POU2F1: variants seen among roughly 807,000 people sequenced by gnomAD.
The protein encoded by POU2F1 is POU domain, class 2, transcription factor 1.
A neutral mutation model predicts 84.9 loss-of-function variants in POU2F1; 16 were observed. The observed-to-expected ratio is 0.19, with a 90% confidence interval of 0.13 to 0.29. The LOEUF is 0.29. Ranked by LOEUF, POU2F1 falls within the 10% of genes least tolerant of loss-of-function variation. The pLI is 1.00. For missense variants in POU2F1, 738 were observed against 942.6 expected (o/e 0.78, Z 2.84); for synonymous variants, 368 against 368.3 (o/e 1.00, Z 0.01).
At chr1:167,314,025 C>T (rs1439826001) in intron 1 of POU2F1, among the ~76,000 whole-genome samples, 1 of 151,998 alleles carries the variant, frequency 6.6e-6, no homozygotes, top group Non-Finnish European at 1.5e-5. Flanking sequence ...GGTGAAACCT[C>T]GTCTCTACTG....
intron 1 of POU2F1, among the ~76,000 whole-genome samples, chr1:167,235,373 T>C (rs1017973265): frequency 6.6e-6 from 1 of 152,218 alleles, no homozygotes; most frequent in Admixed American, 6.5e-5. Context: ...AATGCTCTTA[T>C]GTTATGAGAG....
At chr1:167,302,427 A>C (rs1006263963) in intron 1 of POU2F1, among the ~76,000 whole-genome samples, 10 of 152,016 alleles carry the variant, frequency 6.6e-5, no homozygotes, top group Middle Eastern at 3.4e-3. Flanking sequence ...TGCCTGGCTA[A>C]TTTTTGTATC....
intron 7 of POU2F1, chr1:167,380,238 G>C (rs967546749): frequency 1.1e-4 from 16 of 152,170 alleles, no homozygotes; most frequent in Non-Finnish European, 1.9e-4. Flanking sequence ...CCTCAACTGT[G>C]ATATTAGGAT....
chr1:167,394,246 C>T (rs1347244727), intron 9 of POU2F1, among the ~76,000 whole-genome samples: 1 of 152,056 alleles, frequency 6.6e-6, no homozygotes, highest in African/African-American at 2.4e-5. Context: ...GTCTCGAACT[C>T]CTGACCTCAA....
intron 1 of POU2F1, among the ~76,000 whole-genome samples, chr1:167,291,175 T>C (rs558286161): frequency 1.3e-5 from 2 of 152,346 alleles, no homozygotes; most frequent in Admixed American, 1.3e-4. Flanking sequence ...TCAGCTTTGC[T>C]ATTCATTCAG....
rs1390389163 is a variant in POU2F1, at chr1:167,389,781, C to CATT, written c.987+21_987+23dup. 1 of 1,606,894 alleles carries CATT rather than the reference C, an allele frequency of 6.2e-7. No individual in the cohort carries two copies. The highest frequency in any genetic ancestry group is 8.5e-7 in the Non-Finnish European group (1 of 1,176,028). On this transcript the variant is annotated intron_variant, in intron 9 of 15. Transcript: ENST00000367866. ...ACTCAGGTAGGGTGAATTGGCCTTA[C>CATT]ATTGATTCCCCTCCTTGGCTGGGTC... is the stretch of plus-strand genomic sequence containing the variant.
intron 1 of POU2F1, among the ~76,000 whole-genome samples, chr1:167,316,867 A>C (rs1350180326): frequency 2.0e-5 from 3 of 152,166 alleles, no homozygotes; most frequent in Admixed American, 2.0e-4. Context: ...CTCACATTTT[A>C]TTTGTTGAAA....
Position 167,423,032 on chromosome 1 carries a change from G to A in POU2F1, c.*7222G>A, listed in dbSNP as rs1366230290. On this transcript the variant is annotated 3_prime_UTR_variant, in exon 16 of 16. Coordinates refer to ENST00000367866, the MANE Select transcript of POU2F1 (RefSeq NM_002697.4). ...GAAATTTGGGGAGGGCAAAAGATAG[G>A]GGTAGAATTTTTTCATTATTTCCCT... 6.6e-6 allele frequency: 1 copy of A among 152,152 alleles called. No individual in the cohort carries two copies. Among genetic ancestry groups the A allele is most frequent in the East Asian group, 1.9e-4 (1 of 5,200 alleles). The allele number at this position is 152,152 out of a possible 1,614,324, so 9.4% of individuals were successfully genotyped here.
At chr1:167,311,181 A>G (rs767773175) in intron 1 of POU2F1, among the ~76,000 whole-genome samples, 5 of 152,202 alleles carry the variant, frequency 3.3e-5, no homozygotes, top group Non-Finnish European at 4.4e-5. Context: ...AATCTCCAAG[A>G]TACATTATAA....
At chr1:167,368,472 C>T (rs77782724) in intron 3 of POU2F1, among the ~76,000 whole-genome samples, 1 of 152,018 alleles carries the variant, frequency 6.6e-6, no homozygotes, top group Non-Finnish European at 1.5e-5. Flanking sequence ...GTAAGTAATA[C>T]TCTGTGAGGC....
chr1:167,383,999 G>A (rs769934388), intron 8 of POU2F1, 48 bp downstream of exon 8: 2 of 1,450,836 alleles, frequency 1.4e-6, no homozygotes, highest in Non-Finnish European at 1.9e-6. Context: ...TATTGTTTGG[G>A]GAGACTTTTG....
intron 1 of POU2F1, among the ~76,000 whole-genome samples, chr1:167,330,082 G>T (rs187612251): frequency 2.9e-4 from 44 of 152,220 alleles, no homozygotes; most frequent in African/African-American, 8.9e-4. Context: ...GTGGCTAATG[G>T]TGGTCATATT....
intron 9 of POU2F1, among the ~76,000 whole-genome samples, chr1:167,395,223 A>C (rs1648721182): frequency 6.6e-6 from 1 of 152,204 alleles, no homozygotes; most frequent in South Asian, 2.1e-4. Flanking sequence ...GCTTATAGAG[A>C]AAGACATCTT....
At chr1:167,375,963 AG>A in intron 6 of POU2F1, 65 bp from the exon 7 acceptor site, 2 of 1,566,044 alleles carry the variant, frequency 1.3e-6, no homozygotes, top group South Asian at 2.2e-5. Flanking sequence ...ATCAGCTGGA[AG>A]CCTTATAATT....
chr1:167,351,519 C>CAAAAAAAAAAAAAAAAAAAAAAAAAAAA (rs34170498), intron 2 of POU2F1, among the ~76,000 whole-genome samples: 2 of 45,990 alleles, frequency 4.3e-5, no homozygotes, highest in Non-Finnish European at 8.6e-5. Context: ...AGCACCATCT[C>CAAAAAAAAAAAAAAAAAAAAAAAAAAAA]AAAAAAAAAA....
chr1:167,226,792 T>C (rs1263269399), intron 1 of POU2F1, among the ~76,000 whole-genome samples: 1 of 152,166 alleles, frequency 6.6e-6, no homozygotes. Flanking sequence ...ATAGAGCTCT[T>C]TTGTTTTTGG....
At chr1:167,298,381 G>A (rs1168370469) in intron 1 of POU2F1, among the ~76,000 whole-genome samples, 2 of 151,986 alleles carry the variant, frequency 1.3e-5, no homozygotes, top group Admixed American at 6.6e-5. Context: ...AAGTAAAAAT[G>A]TATCTATGAT....
intron 1 of POU2F1, among the ~76,000 whole-genome samples, chr1:167,311,235 CAGAG>C (rs1655446797): frequency 1.3e-5 from 2 of 151,870 alleles, no homozygotes; most frequent in Non-Finnish European, 1.5e-5. Flanking sequence ...ATCTTGAAAA[CAGAG>C]AGAAATGACA....
chr1:167,322,277 A>ATTG (rs1557893450), intron 1 of POU2F1, among the ~76,000 whole-genome samples: 5 of 152,202 alleles, frequency 3.3e-5, no homozygotes, highest in Non-Finnish European at 7.3e-5. Context: ...ATCAGGAGCT[A>ATTG]TGCTATATGC....
Sources: allele counts gnomAD v4.1 joint callset (sites outside exome capture counted in the v4.1 genomes callset), GRCh38; gene constraint gnomAD v4.1.1; transcripts MANE v1.5; gene names NCBI Gene and HGNC (gene_info 2026-07-23, HGNC 2026-07-21).